KIAA1328: variants seen among roughly 807,000 people sequenced by gnomAD.
KIAA1328 encodes the protein KIAA1328.
Under a neutral mutation model 68.1 loss-of-function variants are expected in KIAA1328, and 52 were observed. The observed-to-expected ratio is 0.76, with a 90% CI of 0.61 to 0.96. The LOEUF (loss-of-function observed/expected upper bound fraction) is 0.96. Ranked by LOEUF, KIAA1328 falls within the 40% of genes least tolerant of loss-of-function variation. The pLI, the probability that KIAA1328 is intolerant of heterozygous loss-of-function variation, is 0.00. For synonymous variants in KIAA1328, 232 were observed against 239.4 expected (o/e 0.97, Z 0.28); for missense variants, 641 against 677.6 (o/e 0.95, Z 0.60).
intron 7 of KIAA1328, among the ~76,000 whole-genome samples, chr18:37,122,275 C>T (rs997980186): frequency 1.3e-4 from 19 of 151,948 alleles, no homozygotes; most frequent in Non-Finnish European, 2.5e-4. Flanking sequence ...AGGATGAAAA[C>T]GTGTCCATTG....
At chr18:36,959,207 C>A in intron 5 of KIAA1328, 101 bp from the exon 6 acceptor site, 1 of 1,099,984 alleles carries the variant, frequency 9.1e-7, no homozygotes, top group Admixed American at 3.5e-5. Flanking sequence ...AATATGATTG[C>A]ATTTCTGGTT....
At chr18:37,057,890 A>G (rs1447115822) in intron 6 of KIAA1328, among the ~76,000 whole-genome samples, 3 of 152,128 alleles carry the variant, frequency 2.0e-5, no homozygotes, top group Admixed American at 6.5e-5. Context: ...AAAAATATTT[A>G]TTGTATGGCC....
At chr18:37,096,466 C>A (rs1401772680) in intron 7 of KIAA1328, among the ~76,000 whole-genome samples, 1 of 152,142 alleles carries the variant, frequency 6.6e-6, no homozygotes, top group Non-Finnish European at 1.5e-5. Flanking sequence ...TTTTCTTAAT[C>A]CAGTCTATCA....
intron 7 of KIAA1328, among the ~76,000 whole-genome samples, chr18:37,085,377 G>A (rs2057072395): frequency 6.6e-6 from 1 of 152,166 alleles, no homozygotes; most frequent in Non-Finnish European, 1.5e-5. Context: ...TGCCAGTAAT[G>A]TAAGTCTGTT....
intron 6 of KIAA1328, among the ~76,000 whole-genome samples, chr18:36,964,902 T>C (rs1234935518): frequency 6.6e-6 from 1 of 152,062 alleles, no homozygotes; most frequent in Admixed American, 6.5e-5. Flanking sequence ...TTTTTTTTTT[T>C]TGGAATCTAA....
At chr18:37,137,172 C>T (rs2058664828) in intron 7 of KIAA1328, among the ~76,000 whole-genome samples, 1 of 152,046 alleles carries the variant, frequency 6.6e-6, no homozygotes, top group African/African-American at 2.4e-5. Flanking sequence ...GTGTGAAGCA[C>T]CTGCCTTTCT....
chr18:36,834,420 A>G, intron 2 of KIAA1328, 65 bp downstream of exon 2: 1 of 1,366,314 alleles, frequency 7.3e-7, no homozygotes, highest in East Asian at 2.5e-5. Context: ...AAGAAAATAA[A>G]GCTATTAGAA....
At chr18:37,008,370 G>A (rs1333291871) in intron 6 of KIAA1328, among the ~76,000 whole-genome samples, 4 of 152,220 alleles carry the variant, frequency 2.6e-5, no homozygotes, top group South Asian at 2.1e-4. Context: ...GAAAGAACTC[G>A]TGGTGTAAAC....
At chr18:36,926,212 A>G in intron 5 of KIAA1328, among the ~76,000 whole-genome samples, 1 of 152,100 alleles carries the variant, frequency 6.6e-6, no homozygotes, top group East Asian at 1.9e-4. Context: ...CTATGCAAGA[A>G]TAATTTATAA....
intron 5 of KIAA1328, among the ~76,000 whole-genome samples, chr18:36,892,217 A>G (rs915115985): frequency 2.0e-5 from 3 of 151,982 alleles, no homozygotes; most frequent in Admixed American, 2.0e-4. Flanking sequence ...GGTAGAAAAA[A>G]TTTTCACAAA....
intron 6 of KIAA1328, among the ~76,000 whole-genome samples, chr18:37,039,646 C>T (rs1410931927): frequency 2.6e-5 from 4 of 152,214 alleles, no homozygotes; most frequent in African/African-American, 9.6e-5. Flanking sequence ...CTCTTGACCT[C>T]GTGATCCGCC....
intron 7 of KIAA1328, among the ~76,000 whole-genome samples, chr18:37,093,723 T>G (rs2057327899): frequency 6.6e-6 from 1 of 152,208 alleles, no homozygotes; most frequent in Admixed American, 6.5e-5. Flanking sequence ...TATAGAAAAC[T>G]TATTTAATGA....
At chr18:36,889,231 TG>T (rs2048600261) in intron 5 of KIAA1328, among the ~76,000 whole-genome samples, 1 of 152,192 alleles carries the variant, frequency 6.6e-6, no homozygotes, top group Non-Finnish European at 1.5e-5. Context: ...CCAAGCAGTC[TG>T]ATGAACTTAG....
intron 5 of KIAA1328, chr18:36,946,418 G>C (rs2050903527): frequency 6.6e-6 from 1 of 152,190 alleles, no homozygotes; most frequent in African/African-American, 2.4e-5. Flanking sequence ...CATACCGTAA[G>C]TATGTTCCCT....
intron 6 of KIAA1328, among the ~76,000 whole-genome samples, chr18:36,976,362 A>G (rs1598872300): frequency 6.6e-6 from 1 of 152,156 alleles, no homozygotes; most frequent in Non-Finnish European, 1.5e-5. Flanking sequence ...TTCAGAAAAA[A>G]TTGGTGATAT....
intron 6 of KIAA1328, among the ~76,000 whole-genome samples, chr18:36,982,595 A>G (rs2052739245): frequency 1.3e-5 from 2 of 152,080 alleles, no homozygotes; most frequent in Non-Finnish European, 2.9e-5. Flanking sequence ...ATAGAAGCAG[A>G]AAAACATAAT....
At chr18:37,165,255 A>G (rs1268740775) in intron 8 of KIAA1328, among the ~76,000 whole-genome samples, 1 of 152,048 alleles carries the variant, frequency 6.6e-6, no homozygotes, top group Non-Finnish European at 1.5e-5. Flanking sequence ...TTTCTTTCTA[A>G]TTTTTGTGCC....
intron 1 of KIAA1328, 68 bp downstream of exon 1, chr18:36,829,264 G>A (rs2046365928): frequency 6.9e-7 from 1 of 1,453,376 alleles, no homozygotes; most frequent in South Asian, 1.4e-5. Flanking sequence ...GAGCCGTCGC[G>A]TGGCAGTCCG....
chr18:37,228,562 GT>G (rs1455792167), downstream of KIAA1328, among the ~76,000 whole-genome samples: 3 of 152,192 alleles, frequency 2.0e-5, no homozygotes, highest in African/African-American at 7.2e-5. Context: ...GCTCACGCCT[GT>G]AATCCCACAC....
Sources: allele counts gnomAD v4.1 joint callset (sites outside exome capture counted in the v4.1 genomes callset), GRCh38; gene constraint gnomAD v4.1.1; transcripts MANE v1.5; gene names NCBI Gene and HGNC (gene_info 2026-07-23, HGNC 2026-07-21).